The following MYT1L variants were observed in gnomAD, a reference collection of about 807,000 sequenced individuals.
MYT1L encodes the protein myelin transcription factor 1-like protein.
A neutral mutation model predicts 126.7 loss-of-function variants in MYT1L; 12 were observed. The observed-to-expected ratio is 0.09, with a 90% confidence interval of 0.06 to 0.15. The LOEUF is 0.15. Among genes scored for constraint, MYT1L ranks in the 10% least tolerant of loss-of-function variants. The pLI is 1.00. For missense variants in MYT1L, 979 were observed against 1,585.2 expected (o/e 0.62, Z 6.49); for synonymous variants, 541 against 604.2 (o/e 0.90, Z 1.53).
intron 18 of MYT1L, among the ~76,000 whole-genome samples, chr2:1,881,529 A>AT (rs553737337): frequency 5.6e-4 from 85 of 152,048 alleles, no homozygotes; most frequent in Non-Finnish European, 9.4e-4. Flanking sequence ...ATTTTGTAGG[A>AT]TTTTTTTTGT....
intron 2 of MYT1L, among the ~76,000 whole-genome samples, chr2:2,221,191 G>A (rs1367282635): frequency 1.3e-5 from 2 of 152,156 alleles, no homozygotes; most frequent in South Asian, 2.1e-4. Flanking sequence ...ACTTTGGAAC[G>A]CTTCCTGAAG....
chr2:1,962,623 T>C (rs976991439), intron 8 of MYT1L, among the ~76,000 whole-genome samples: 4 of 152,236 alleles, frequency 2.6e-5, no homozygotes, highest in African/African-American at 9.6e-5. Context: ...TTACCCACAG[T>C]AGAACTTCTT....
intron 4 of MYT1L, among the ~76,000 whole-genome samples, chr2:2,006,240 T>C (rs887627754): frequency 2.6e-5 from 4 of 152,216 alleles, no homozygotes. Flanking sequence ...AGTTTCTCCA[T>C]TTCATTAAAA....
At chr2:2,127,009 T>G (rs536972435) in intron 3 of MYT1L, among the ~76,000 whole-genome samples, 1 of 152,348 alleles carries the variant, frequency 6.6e-6, no homozygotes, top group South Asian at 2.1e-4. Context: ...ATTCTCTGGG[T>G]TTATGCATTT....
At position 2,299,863 on chromosome 2, in the gene MYT1L, A is replaced by G. The variant is rs138012400; in HGVS notation, c.-520-15360T>C. ...ATAATCTTTCACTTGTCAATCCCCAAATCTTACTTTGGCACTAGATCATCT... is the reference window on the plus strand; with the variant it reads ...ATAATCTTTCACTTGTCAATCCCCAGATCTTACTTTGGCACTAGATCATCT... On this transcript the variant is annotated intron_variant, in intron 1 of 24. Coordinates refer to ENST00000647738, the MANE Select transcript of MYT1L (RefSeq NM_001303052.2). Among the ~76,000 whole-genome samples, 119 of 152,234 alleles carry G rather than the reference A, an allele frequency of 7.8e-4. 1 individual carries two copies. Among genetic ancestry groups the G allele is most frequent in the African/African-American group, 2.8e-3 (118 of 41,538 alleles).
chr2:1,831,190 G>A (rs2040124888), intron 21 of MYT1L, among the ~76,000 whole-genome samples: 1 of 150,318 alleles, frequency 6.7e-6, no homozygotes, highest in Admixed American at 6.6e-5. Flanking sequence ...GGAGCAGATG[G>A]AGCTCTGCTC....
At chr2:2,243,705 G>A (rs1241149224) in intron 2 of MYT1L, among the ~76,000 whole-genome samples, 3 of 152,302 alleles carry the variant, frequency 2.0e-5, no homozygotes, top group South Asian at 2.1e-4. Flanking sequence ...GGTAGCACAC[G>A]CAGGAATCCA....
intron 2 of MYT1L, among the ~76,000 whole-genome samples, chr2:2,199,718 C>A (rs1175359983): frequency 1.3e-5 from 2 of 152,170 alleles, no homozygotes; most frequent in Non-Finnish European, 2.9e-5. Flanking sequence ...GAGCTGAATT[C>A]TCTGGCCCAG....
intron 3 of MYT1L, among the ~76,000 whole-genome samples, chr2:2,126,004 G>C (rs2081637478): frequency 6.6e-6 from 1 of 152,176 alleles, no homozygotes; most frequent in Admixed American, 6.5e-5. Context: ...TTATCACCCA[G>C]ATCATGGTGG....
chr2:1,801,197 G>A lies in MYT1L; in HGVS notation c.3276+499C>T, dbSNP rs1181924504. 6.5e-6 allele frequency: 1 copy of A among 154,078 alleles called. No individual in the cohort carries two copies. The highest frequency in any genetic ancestry group is 1.9e-4 in the East Asian group (1 of 5,252). 9.5% of individuals were successfully genotyped at this position (154,078 alleles called of 1,614,324 possible). ...TGGAGGGGGTTAGGTGACCACAGCTGCTCTGCCAGCTGCCACTGCTCTCTC... is the reference window on the plus strand; with the variant it reads ...TGGAGGGGGTTAGGTGACCACAGCTACTCTGCCAGCTGCCACTGCTCTCTC... On this transcript the variant is annotated intron_variant, in intron 23 of 24. Transcript: ENST00000647738. The surrounding 1 kb of genome is among the most constrained non-coding windows in gnomAD (Gnocchi z 4.2).
intron 2 of MYT1L, among the ~76,000 whole-genome samples, chr2:2,211,794 A>G (rs1196490361): frequency 7.1e-6 from 1 of 140,148 alleles, no homozygotes; most frequent in Non-Finnish European, 1.5e-5. Context: ...ACAGAGAGAG[A>G]CTCCATGTCA....
chr2:2,059,948 C>G lies in MYT1L; in HGVS notation c.-303-5825G>C, dbSNP rs58142432. On this transcript the variant is annotated intron_variant, in intron 3 of 24. Transcript: ENST00000647738. The surrounding 1 kb of genome is among the most constrained non-coding windows in gnomAD (Gnocchi z 4.7). ...TCTCCTAAGCGGCACCCCAACCCCA[C>G]CACGAGCTCGTCAGGGCAGGGGACA... is the stretch of plus-strand genomic sequence containing the variant. Among the ~76,000 whole-genome samples the G allele has an allele frequency of 0.021, 3,192 of 152,236 alleles. 93 individuals are homozygous for G. Among genetic ancestry groups the G allele is most frequent in the African/African-American group, 0.073 (3,044 of 41,522 alleles).
chr2:1,999,153 C>T (rs972542858), intron 4 of MYT1L, among the ~76,000 whole-genome samples: 3 of 152,182 alleles, frequency 2.0e-5, no homozygotes, highest in African/African-American at 7.2e-5. Flanking sequence ...TCTGGCTTAT[C>T]ATTAAGTGCT....
At position 2,262,030 on chromosome 2, in the gene MYT1L, A is replaced by G. The variant is rs763208650; in HGVS notation, c.-421+22374T>C. ...CTCAAATTAGAGTCATGGACATTCT[A>G]TGATCCATGGGTGCAATTGAGACAC... On this transcript the variant is annotated intron_variant, in intron 2 of 24. Transcript: ENST00000647738. Among the ~76,000 whole-genome samples, 122 of 152,242 alleles carry G rather than the reference A, an allele frequency of 8.0e-4. 2 individuals carry two copies. Among genetic ancestry groups the G allele is most frequent in the Non-Finnish European group, 1.6e-4 (11 of 68,040 alleles).
At chr2:2,102,173 CT>C (rs201161970) in intron 3 of MYT1L, among the ~76,000 whole-genome samples, 2 of 151,882 alleles carry the variant, frequency 1.3e-5, no homozygotes, top group Non-Finnish European at 2.9e-5. Flanking sequence ...GCCTTCTGAG[CT>C]TTTTTTTATG....
intron 23 of MYT1L, among the ~76,000 whole-genome samples, chr2:1,795,137 T>C (rs922382496): frequency 6.6e-6 from 1 of 152,242 alleles, no homozygotes; most frequent in Non-Finnish European, 1.5e-5. Context: ...GGCAAGAAGC[T>C]GAGTGTCTCA....
intron 2 of MYT1L, among the ~76,000 whole-genome samples, chr2:2,262,933 AC>A (rs2095019794): frequency 5.4e-5 from 2 of 37,126 alleles, no homozygotes; most frequent in Admixed American, 4.9e-4. Flanking sequence ...TATATATATA[AC>A]CTGTGATATA....
intron 2 of MYT1L, among the ~76,000 whole-genome samples, chr2:2,174,455 T>C (rs2090473825): frequency 6.6e-6 from 1 of 152,222 alleles, no homozygotes; most frequent in Non-Finnish European, 1.5e-5. Context: ...GCATTCACCC[T>C]GGACAAACAA....
At chr2:1,845,137 C>A (rs1211928326) in intron 19 of MYT1L, among the ~76,000 whole-genome samples, 2 of 152,108 alleles carry the variant, frequency 1.3e-5, no homozygotes, top group African/African-American at 2.4e-5. Context: ...CACTACTACA[C>A]CTGGATAATT....
Sources: allele counts gnomAD v4.1 joint callset (sites outside exome capture counted in the v4.1 genomes callset), GRCh38; gene constraint gnomAD v4.1.1; non-coding constraint Gnocchi (gnomAD v3.1); transcripts MANE v1.5; gene names NCBI Gene and HGNC (gene_info 2026-07-23, HGNC 2026-07-21).